Variants in AOPEP observed in about 807,000 individuals in gnomAD.
The protein encoded by AOPEP is aminopeptidase O.
A neutral mutation model predicts 98.1 loss-of-function variants in AOPEP; 77 were observed. The ratio of observed to expected loss-of-function variants is 0.78; its 90% CI spans 0.65 to 0.95. AOPEP has a LOEUF of 0.95. AOPEP is among the 40% of genes least tolerant of loss of function. AOPEP has a pLI of 0.00. For synonymous variants in AOPEP, 346 were observed against 365.3 expected (o/e 0.95, Z 0.60); for missense variants, 1,024 against 1,024.7 (o/e 1.00, Z 0.01).
the AOPEP span, among the ~76,000 whole-genome samples, chr9:95,104,487 G>A: frequency 6.6e-6 from 1 of 152,066 alleles, no homozygotes. Context: ...TCCGCAGCAG[G>A]GGCTGAACCA....
intron 13 of AOPEP, among the ~76,000 whole-genome samples, chr9:95,009,437 C>G (rs1045499543): frequency 6.6e-6 from 1 of 152,134 alleles, no homozygotes; most frequent in African/African-American, 2.4e-5. Flanking sequence ...TTTCAATTTT[C>G]AGATTCAAAG....
At chr9:95,082,898 C>T (rs1026362957) in intron 16 of AOPEP, 179 bp downstream of exon 16, 8 of 649,650 alleles carry the variant, frequency 1.2e-5, no homozygotes, top group East Asian at 5.9e-5. Context: ...ATGGGAGCCC[C>T]GGGTCCCTGG....
the AOPEP span, among the ~76,000 whole-genome samples, chr9:95,144,885 A>G: frequency 1.3e-5 from 2 of 152,182 alleles, no homozygotes; most frequent in East Asian, 1.9e-4. Flanking sequence ...TTTACTCAGT[A>G]TCTCACATAA....
rs377415380 is a variant in AOPEP, at chr9:94,989,205, C to T, written c.1977+9778C>T. 3.7e-3 allele frequency among the ~76,000 whole-genome samples: 557 copies of T among 151,910 alleles called. 4 individuals carry two copies. Among genetic ancestry groups the T allele is most frequent in the African/African-American group, 0.013 (523 of 41,422 alleles). On this transcript the variant is annotated intron_variant, in intron 11 of 16. Coordinates refer to ENST00000375315, the MANE Select transcript of AOPEP (RefSeq NM_001193329.3). ...CAAGCTCTGCCTCCCGGGTTCATGCCATTCTCCCACCTCAGCCTCCCGAGT... is the reference window on the plus strand; with the variant it reads ...CAAGCTCTGCCTCCCGGGTTCATGCTATTCTCCCACCTCAGCCTCCCGAGT...
At chr9:95,081,171 C>T (rs1005863215) in intron 15 of AOPEP, among the ~76,000 whole-genome samples, 7 of 152,320 alleles carry the variant, frequency 4.6e-5, no homozygotes, top group South Asian at 4.2e-4. Context: ...GGGACAGTCT[C>T]GGTCTGTACC....
intron 9 of AOPEP, among the ~76,000 whole-genome samples, chr9:94,960,407 T>A (rs1249586702): frequency 8.1e-5 from 12 of 148,762 alleles, no homozygotes; most frequent in Non-Finnish European, 1.6e-4. Context: ...AGACTCCATC[T>A]CAGGGAAAAA....
chr9:95,059,276 C>T (rs1236081257), intron 13 of AOPEP, among the ~76,000 whole-genome samples: 2 of 152,178 alleles, frequency 1.3e-5, no homozygotes, highest in East Asian at 3.9e-4. Context: ...AGAATAGCCA[C>T]AGCATGTCTT....
At chr9:95,107,219 G>C in the AOPEP span, 1 of 1,614,192 alleles carries the variant, frequency 6.2e-7, no homozygotes, top group Admixed American at 1.7e-5. Context: ...CTGAGAGGCT[G>C]CTGCTTCTGG....
At chr9:95,090,549 C>G (rs1032062852), downstream of AOPEP, among the ~76,000 whole-genome samples, 5 of 152,134 alleles carry the variant, frequency 3.3e-5, no homozygotes, top group Admixed American at 6.5e-5. Context: ...AGGGCCCCCC[C>G]TTCGAAGGGA....
chr9:94,816,734 G>A (rs1364418686), intron 5 of AOPEP, among the ~76,000 whole-genome samples: 1 of 152,138 alleles, frequency 6.6e-6, no homozygotes, highest in Non-Finnish European at 1.5e-5. Flanking sequence ...GCTAGACCTA[G>A]GTCTGGGTTA....
intron 13 of AOPEP, among the ~76,000 whole-genome samples, chr9:95,059,915 C>T (rs542244407): frequency 6.6e-6 from 1 of 152,338 alleles, no homozygotes; most frequent in Admixed American, 6.5e-5. Context: ...CCAGGCCTGG[C>T]CCTGCTGTTG....
At chr9:94,880,002 C>T (rs2047381204) in intron 5 of AOPEP, among the ~76,000 whole-genome samples, 1 of 152,180 alleles carries the variant, frequency 6.6e-6, no homozygotes. Flanking sequence ...TTTTTAGATA[C>T]CAACTTTGTT....
At chr9:94,937,363 C>T (rs189625571) in intron 7 of AOPEP, among the ~76,000 whole-genome samples, 1 of 152,364 alleles carries the variant, frequency 6.6e-6, no homozygotes, top group Admixed American at 6.5e-5. Flanking sequence ...TCTGCGTGTG[C>T]ATGTCCCTCG....
chr9:94,870,210 G>A (rs540387228), intron 5 of AOPEP, among the ~76,000 whole-genome samples: 2 of 152,022 alleles, frequency 1.3e-5, no homozygotes, highest in South Asian at 4.2e-4. Flanking sequence ...GGCTTGTCTC[G>A]AACTCCTGAC....
At chr9:95,006,053 T>C in intron 13 of AOPEP, 1 of 472,816 alleles carries the variant, frequency 2.1e-6, no homozygotes, top group South Asian at 1.5e-5. Context: ...AGAAGTGGAT[T>C]ACTTTTAAAA....
the AOPEP span, chr9:95,126,649 A>C: frequency 6.6e-7 from 1 of 1,519,280 alleles, no homozygotes; most frequent in Non-Finnish European, 9.1e-7. Context: ...TGCTATTATC[A>C]GCCAAAGGAG....
intron 5 of AOPEP, among the ~76,000 whole-genome samples, chr9:94,907,436 T>C (rs1192588246): frequency 1.3e-5 from 2 of 152,172 alleles, no homozygotes; most frequent in African/African-American, 4.8e-5. Flanking sequence ...GTACACAGTG[T>C]TGGCCTCAGA....
chr9:95,028,391 G>GCA (rs1294755436), intron 13 of AOPEP, among the ~76,000 whole-genome samples: 1 of 152,182 alleles, frequency 6.6e-6, no homozygotes, highest in Admixed American at 6.5e-5. Flanking sequence ...TGCCTGTGGT[G>GCA]CACAGTGCAT....
chr9:95,069,763 C>T (rs1035844705), intron 14 of AOPEP, among the ~76,000 whole-genome samples: 6 of 152,220 alleles, frequency 3.9e-5, no homozygotes, highest in East Asian at 3.9e-4. Context: ...ATGTGCATGT[C>T]GAGTGTGATG....
Sources: gnomAD v4.1 joint callset for allele counts (sites outside exome capture counted in the v4.1 genomes callset) on GRCh38, gnomAD v4.1.1 for gene constraint, MANE v1.5 for transcripts, NCBI Gene and HGNC (gene_info 2026-07-23, HGNC 2026-07-21) for gene names.